Variants in PVT1 observed in about 807,000 individuals in gnomAD.
PVT1 encodes the protein Pvt1 oncogene.
At chr8:127,864,795 G>A (rs183567508) in intron 2 of PVT1, among the ~76,000 whole-genome samples, 7 of 152,258 alleles carry the variant, frequency 4.6e-5, no homozygotes, top group Admixed American at 1.3e-4. Flanking sequence ...TGATCCGCCC[G>A]CCTCAGCCTC....
chr8:128,060,714 C>T lies in PVT1; in HGVS notation n.913-9446C>T, dbSNP rs181452785. On this transcript the variant is annotated intron_variant and non_coding_transcript_variant, in intron 4 of 10. Coordinates refer to ENST00000651587, the Ensembl canonical transcript of PVT1. Reference sequence around the variant, plus strand: ...ATGAAGGAAAACTGGTCTGTCTTCTCTGCCCATTACAATTGTCTTTACTCT... The same window carrying T: ...ATGAAGGAAAACTGGTCTGTCTTCTTTGCCCATTACAATTGTCTTTACTCT... 1.3e-4 allele frequency among the ~76,000 whole-genome samples: 20 copies of T among 152,318 alleles called. 1 individual carries two copies. Among genetic ancestry groups the T allele is most frequent in the African/African-American group, 3.4e-4 (14 of 41,582 alleles).
chr8:127,959,377 G>A (rs1816610398), intron 3 of PVT1, among the ~76,000 whole-genome samples: 2 of 152,170 alleles, frequency 1.3e-5, no homozygotes, highest in Admixed American at 6.5e-5. Flanking sequence ...ACGAGGTCAA[G>A]AGATCGAGAT....
chr8:127,958,517 G>A (rs1475868761), intron 3 of PVT1, among the ~76,000 whole-genome samples: 3 of 152,218 alleles, frequency 2.0e-5, no homozygotes, highest in Non-Finnish European at 4.4e-5. Flanking sequence ...GGGATTACAG[G>A]CATGAGCCAC....
At chr8:128,042,734 G>GTTTTATTTTATTTTAT (rs144761934) in intron 4 of PVT1, among the ~76,000 whole-genome samples, 1 of 129,762 alleles carries the variant, frequency 7.7e-6, no homozygotes, top group Non-Finnish European at 1.6e-5. Flanking sequence ...GGACTAGGTG[G>GTTTTATTTTATTTTAT]TTTATTTTAT....
chr8:128,015,131 C>A (rs1043033167), intron 4 of PVT1, among the ~76,000 whole-genome samples: 32 of 151,056 alleles, frequency 2.1e-4, no homozygotes, highest in Non-Finnish European at 7.4e-5. Flanking sequence ...ACTCTGTTGC[C>A]CAGGCTGGAG....
Position 127,863,604 on chromosome 8 carries a change from G to A in PVT1, n.373-26985G>A, listed in dbSNP as rs79797630. 6.0e-3 allele frequency among the ~76,000 whole-genome samples: 913 copies of A among 152,288 alleles called. 6 individuals are homozygous for A. Among genetic ancestry groups the A allele is most frequent in the African/African-American group, 0.021 (855 of 41,548 alleles). On this transcript the variant is annotated intron_variant and non_coding_transcript_variant, in intron 2 of 10. Transcript: ENST00000651587. ...GGACTTCTCCTTTGTTGCACCAATT[G>A]CAATTTCTTACTTAGGTGTGTGCTT...
At chr8:127,879,980 C>T (rs1285890862) in intron 2 of PVT1, among the ~76,000 whole-genome samples, 1 of 152,222 alleles carries the variant, frequency 6.6e-6, no homozygotes, top group Non-Finnish European at 1.5e-5. Context: ...TCAGTGAGGA[C>T]ATTGAACGAG....
intron 2 of PVT1, among the ~76,000 whole-genome samples, chr8:127,875,999 C>A (rs964348408): frequency 1.3e-5 from 2 of 152,184 alleles, no homozygotes; most frequent in Non-Finnish European, 2.9e-5. Context: ...CCTGCCTTAC[C>A]TGGGGGACCT....
chr8:127,856,214 A>C (rs892281365), intron 2 of PVT1, among the ~76,000 whole-genome samples: 1 of 152,052 alleles, frequency 6.6e-6, no homozygotes, highest in Non-Finnish European at 1.5e-5. Flanking sequence ...TTGATGGGGC[A>C]TGTGATGTGT....
chr8:127,894,593 TA>T (rs1815651046), intron 3 of PVT1, among the ~76,000 whole-genome samples: 1 of 152,122 alleles, frequency 6.6e-6, no homozygotes, highest in African/African-American at 2.4e-5. Flanking sequence ...TAGATAAGAA[TA>T]AAAAAATTGT....
chr8:127,867,917 T>A (rs1362736339), intron 2 of PVT1, among the ~76,000 whole-genome samples: 1 of 152,198 alleles, frequency 6.6e-6, no homozygotes, highest in Non-Finnish European at 1.5e-5. Flanking sequence ...GACGTCCATC[T>A]CAACTATTAT....
chr8:127,937,580 C>CAGAGAGAGAGAGAGAG (rs1554598547), intron 3 of PVT1, among the ~76,000 whole-genome samples: 23 of 107,866 alleles, frequency 2.1e-4, no homozygotes, highest in African/African-American at 7.0e-4. Context: ...CACACACACA[C>CAGAGAGAGAGAGAGAG]AGAGAGAGAG....
At chr8:127,797,562 G>C (rs1177076402) in intron 2 of PVT1, among the ~76,000 whole-genome samples, 1 of 152,146 alleles carries the variant, frequency 6.6e-6, no homozygotes, top group Non-Finnish European at 1.5e-5. Context: ...GCCAAAATGG[G>C]TCCTTTGGCA....
intron 2 of PVT1, among the ~76,000 whole-genome samples, chr8:127,847,688 T>C (rs1815051654): frequency 6.6e-6 from 1 of 152,170 alleles, no homozygotes; most frequent in South Asian, 2.1e-4. Flanking sequence ...TCAGGATGTA[T>C]TGTTGACACA....
chr8:127,860,324 C>T (rs1459935150), intron 2 of PVT1, among the ~76,000 whole-genome samples: 4 of 152,172 alleles, frequency 2.6e-5, no homozygotes, highest in African/African-American at 7.2e-5. Flanking sequence ...AAAGTCTTCT[C>T]GAAGGCATCT....
chr8:127,930,836 T>C (rs1361808350), intron 3 of PVT1, among the ~76,000 whole-genome samples: 1 of 152,184 alleles, frequency 6.6e-6, no homozygotes, highest in East Asian at 1.9e-4. Context: ...GGGAGTTTAA[T>C]TGGAATGAAT....
chr8:128,015,783 A>T (rs1005699136), intron 4 of PVT1, among the ~76,000 whole-genome samples: 1 of 150,966 alleles, frequency 6.6e-6, no homozygotes, highest in Non-Finnish European at 1.5e-5. Context: ...AAAAAAAAAA[A>T]AAAAAAAGGT....
At chr8:128,058,807 T>A (rs182761117) in intron 4 of PVT1, among the ~76,000 whole-genome samples, 2 of 152,162 alleles carry the variant, frequency 1.3e-5, no homozygotes, top group Non-Finnish European at 2.9e-5. Flanking sequence ...ACCCCCAGCA[T>A]GACAGACGAC....
intron 3 of PVT1, among the ~76,000 whole-genome samples, chr8:127,908,328 T>A (rs1189676937): frequency 6.7e-6 from 1 of 150,046 alleles, no homozygotes; most frequent in African/African-American, 2.4e-5. Context: ...CTTTTCTTTT[T>A]TTTTCTTTTT....
Sources: gnomAD v4.1 joint callset for allele counts (sites outside exome capture counted in the v4.1 genomes callset) on GRCh38, gnomAD v4.1.1 for gene constraint, MANE v1.5 for transcripts, NCBI Gene and HGNC (gene_info 2026-07-23, HGNC 2026-07-21) for gene names.